Variants in AGO3 observed in about 807,000 individuals in gnomAD.
AGO3 encodes the protein protein argonaute-3.
Under a neutral mutation model 105.5 loss-of-function variants are expected in AGO3, and 16 were observed. The observed-to-expected ratio is 0.15, with a 90% CI of 0.10 to 0.23. The LOEUF is 0.23. AGO3 is among the 10% of genes least tolerant of loss of function. The pLI, the probability that AGO3 is intolerant of heterozygous loss-of-function variation, is 1.00. For synonymous variants in AGO3, 340 were observed against 367.3 expected, an observed-to-expected ratio of 0.93 and a Z score of 0.85; for missense variants, 534 against 1,088.0, an observed-to-expected ratio of 0.49 and a Z score of 7.16.
At position 36,062,701 on chromosome 1, in the gene AGO3, C is replaced by T. The variant is rs1245404597; in HGVS notation, c.*6956C>T. On this transcript the variant is annotated 3_prime_UTR_variant, in exon 19 of 19. Coordinates refer to ENST00000373191, the MANE Select transcript of AGO3 (RefSeq NM_024852.4). ...ATAGCAGTAAATGATCACCTAGGCACTTCTTTCCTGTGAATTTGGTGAGCA... is the reference window on the plus strand; with the variant it reads ...ATAGCAGTAAATGATCACCTAGGCATTTCTTTCCTGTGAATTTGGTGAGCA... 1 of 152,170 alleles carries T rather than the reference C, an allele frequency of 6.6e-6. No individual in the cohort carries two copies. The highest frequency in any genetic ancestry group is 1.5e-5 in the Non-Finnish European group (1 of 68,030). 9.4% of individuals were successfully genotyped at this position (152,170 alleles called of 1,614,324 possible). A position where few individuals can be genotyped will look rare whatever the true frequency, so the allele number is the denominator to read the frequency against.
At chr1:36,028,291 C>G (rs563560863) in intron 12 of AGO3, among the ~76,000 whole-genome samples, 1 of 151,748 alleles carries the variant, frequency 6.6e-6, no homozygotes, top group East Asian at 1.9e-4. Context: ...TACATGTGCA[C>G]AATGTGCAGT....
Position 36,004,140 on chromosome 1 carries a change from A to G in AGO3, c.659-201A>G, listed in dbSNP as rs546970402. The G allele has an allele frequency of 1.1e-4, 48 of 448,936 alleles. 1 individual carries two copies. Among genetic ancestry groups the G allele is most frequent in the African/African-American group, 8.9e-4 (45 of 50,546 alleles). 27.8% of individuals were successfully genotyped at this position (448,936 alleles called of 1,614,324 possible). On this transcript the variant is annotated intron_variant, in intron 5 of 18. Coordinates refer to ENST00000373191, the MANE Select transcript of AGO3 (RefSeq NM_024852.4). ...TTACTTACGATGAAAGAGATAGATT[A>G]TAAAAACTGTAGTATTTGGCCATTT...
chr1:36,028,396 C>G (rs565961023), intron 12 of AGO3, among the ~76,000 whole-genome samples: 6 of 104,064 alleles, frequency 5.8e-5, no homozygotes, highest in South Asian at 4.3e-4. Flanking sequence ...ATCCCTCCCC[C>G]CCCCCCACCC....
At chr1:35,958,224 TA>T (rs1388697074) in intron 2 of AGO3, among the ~76,000 whole-genome samples, 2 of 151,118 alleles carry the variant, frequency 1.3e-5, no homozygotes, top group Non-Finnish European at 2.9e-5. Context: ...CTACTAAAAA[TA>T]AAAAAATTAG....
intron 16 of AGO3, 135 bp downstream of exon 16, chr1:36,040,576 G>A: frequency 1.2e-6 from 1 of 801,580 alleles, no homozygotes; most frequent in Non-Finnish European, 1.9e-6. Flanking sequence ...TACATTATGA[G>A]TATAGAAGCA....
At chr1:35,988,944 A>T (rs1647359752) in intron 5 of AGO3, among the ~76,000 whole-genome samples, 1 of 152,172 alleles carries the variant, frequency 6.6e-6, no homozygotes, top group Non-Finnish European at 1.5e-5. Flanking sequence ...TGACCATCTT[A>T]CTTGCTTACA....
intron 2 of AGO3, among the ~76,000 whole-genome samples, chr1:35,956,929 A>G (rs1419095346): frequency 1.3e-5 from 2 of 151,926 alleles, no homozygotes; most frequent in Admixed American, 6.6e-5. Context: ...GATTACAGGC[A>G]TGAGCCACTG....
At chr1:36,010,079 C>CA (rs1176502419) in intron 9 of AGO3, among the ~76,000 whole-genome samples, 1 of 151,776 alleles carries the variant, frequency 6.6e-6, no homozygotes, top group African/African-American at 2.4e-5. Context: ...GCTGGGACTA[C>CA]AGGCGCATGC....
chr1:36,057,428 T>A lies in AGO3; in HGVS notation c.*1683T>A, dbSNP rs1642955545. On this transcript the variant is annotated 3_prime_UTR_variant, in exon 19 of 19. Coordinates refer to ENST00000373191, the MANE Select transcript of AGO3 (RefSeq NM_024852.4). The stretch of plus-strand genomic sequence containing the variant: ...TTTTCTTTTATATTTATTAGAATAG[T>A]GCTTTAATAATTATAGAATTGTATT... The A allele has an allele frequency of 6.6e-6, 1 of 152,106 alleles. No homozygotes were observed. Among genetic ancestry groups the A allele is most frequent in the Admixed American group, 6.5e-5 (1 of 15,274 alleles). 9.4% of individuals were successfully genotyped at this position (152,106 alleles called of 1,614,324 possible).
chr1:36,007,345 T>G (rs188647335), intron 6 of AGO3, among the ~76,000 whole-genome samples: 195 of 152,294 alleles, frequency 1.3e-3, no homozygotes, highest in African/African-American at 4.2e-3. Context: ...TGTGTACCTG[T>G]TAACTCTTCT....
At chr1:35,953,358 GTTA>G (rs1170954655) in intron 2 of AGO3, among the ~76,000 whole-genome samples, 2 of 151,952 alleles carry the variant, frequency 1.3e-5, no homozygotes, top group African/African-American at 2.4e-5. Context: ...TCACCAATAT[GTTA>G]TTATTTGTCT....
At position 36,070,344 on chromosome 1, in the gene AGO3, G is replaced by A. The variant is rs1439241769; in HGVS notation, c.*14599G>A. 1 of 152,188 alleles carries A rather than the reference G, an allele frequency of 6.6e-6. No homozygotes were observed. Among genetic ancestry groups the A allele is most frequent in the Non-Finnish European group, 1.5e-5 (1 of 68,042 alleles). 9.4% of individuals were successfully genotyped at this position (152,188 alleles called of 1,614,324 possible). ...AGGTTAAAATATAGTGAAAGTTTCTGCTTCATGTGAATTCAATTCTGAGCA... is the reference window on the plus strand; with the variant it reads ...AGGTTAAAATATAGTGAAAGTTTCTACTTCATGTGAATTCAATTCTGAGCA... On this transcript the variant is annotated 3_prime_UTR_variant, in exon 19 of 19. Coordinates refer to ENST00000373191, the MANE Select transcript of AGO3 (RefSeq NM_024852.4).
In AGO3 at chr1:35,967,043, A is replaced by G; in HGVS notation, c.280A>G (p.Thr94Ala). 1.9e-6 allele frequency: 3 copies of G among 1,613,754 alleles called. No homozygotes were observed. Among genetic ancestry groups the G allele is most frequent in the Non-Finnish European group, 2.5e-6 (3 of 1,179,884 alleles). The part of the protein sequence containing the change: ...PVYDGKRSLY[T>A]ANPLPVATTG... The stretch of plus-strand genomic sequence containing the variant: ...TTATGATGGAAAAAGAAGTCTTTAC[A>G]CCGCCAATCCACTTCCTGTGGCAAC... Residue 94 changes from threonine to alanine, a missense_variant, in exon 3 of 19, where the codon ACC (threonine) becomes GCC (alanine). Around this residue, in one of 2 missense-constraint regions of AGO3, gnomAD observed 161 missense variants for 234.0 expected, o/e 0.69. Coordinates refer to ENST00000373191, the MANE Select transcript of AGO3 (RefSeq NM_024852.4).
chr1:35,943,861 A>G (rs2148747725), intron 1 of AGO3, among the ~76,000 whole-genome samples: 1 of 152,022 alleles, frequency 6.6e-6, no homozygotes, highest in African/African-American at 2.4e-5. Flanking sequence ...TCGGCCTCCC[A>G]AAGTGCTGGG....
chr1:36,021,760 A>G (rs1020551426), intron 11 of AGO3, among the ~76,000 whole-genome samples: 26 of 152,332 alleles, frequency 1.7e-4, no homozygotes, highest in African/African-American at 5.3e-4. Context: ...AGCCAAGGTG[A>G]TCATTAAAAG....
At chr1:36,025,996 G>A (rs930323285) in intron 11 of AGO3, among the ~76,000 whole-genome samples, 1 of 151,800 alleles carries the variant, frequency 6.6e-6, no homozygotes, top group East Asian at 1.9e-4. Context: ...AGTTGTGATT[G>A]TATCACTGCA....
chr1:35,947,825 T>C (rs760667760), intron 2 of AGO3, among the ~76,000 whole-genome samples: 1 of 152,214 alleles, frequency 6.6e-6, no homozygotes, highest in Non-Finnish European at 1.5e-5. Flanking sequence ...CTTTTTCTTG[T>C]TTCTCAAAAC....
chr1:36,040,109 A>ATTG, intron 15 of AGO3, 125 bp downstream of exon 15: 1 of 1,236,392 alleles, frequency 8.1e-7, no homozygotes, highest in Non-Finnish European at 1.1e-6. Flanking sequence ...GTTTTGTTAG[A>ATTG]TTGTCTTTTT....
chr1:35,982,233 G>A (rs1647065781), intron 5 of AGO3, among the ~76,000 whole-genome samples: 1 of 152,140 alleles, frequency 6.6e-6, no homozygotes, highest in African/African-American at 2.4e-5. Flanking sequence ...TTTGAGACCA[G>A]CCTGGGCAAC....
Sources: allele counts gnomAD v4.1 joint callset (sites outside exome capture counted in the v4.1 genomes callset), GRCh38; gene constraint gnomAD v4.1.1; regional missense constraint gnomAD v4.1.1; transcripts MANE v1.5; gene names NCBI Gene and HGNC (gene_info 2026-07-23, HGNC 2026-07-21).